Variants in AGFG2 observed in about 807,000 individuals in gnomAD.
AGFG2 encodes arf-GAP domain and FG repeat-containing protein 2.
AGFG2 carries 31 observed loss-of-function variants against 48.0 expected under a neutral mutation model. That is an observed-to-expected ratio of 0.65 (90% CI 0.49 to 0.87). AGFG2 has a LOEUF of 0.87. Ranked by LOEUF, AGFG2 falls within the 40% of genes least tolerant of loss-of-function variation. AGFG2 has a pLI of 0.00. For synonymous variants in AGFG2, 229 were observed against 260.8 expected (o/e 0.88, Z 1.18); for missense variants, 599 against 632.6 (o/e 0.95, Z 0.57).
In AGFG2 at chr7:100,562,328, A is replaced by G. The variant is rs1430686246; in HGVS notation, c.947A>G (p.Asp316Gly). ...GCCAGTCAGCCAAACAGCCTCGCAG[A>G]CGTGGGCAGCTTCCTGGGACCCGGG... is the stretch of plus-strand genomic sequence containing the variant. ...APASQPNSLADVGSFLGPGVP... is the reference protein window; with the variant it reads ...APASQPNSLAGVGSFLGPGVP... Residue 316 changes from aspartate to glycine, a missense_variant, in exon 7 of 12, where the codon GAC becomes GGC. By Grantham distance (94) the Asp-to-Gly change is moderately conservative. Coordinates refer to ENST00000300176, the MANE Select transcript of AGFG2 (RefSeq NM_006076.5). This position sits in a 1 kb window ranked among gnomAD's most constrained non-coding sequence, Gnocchi z 5.4. 2 of 1,613,964 alleles carry G rather than the reference A, an allele frequency of 1.2e-6. No homozygotes were observed. The highest frequency in any genetic ancestry group is 3.3e-5 in the Admixed American group (2 of 59,998).
Position 100,565,934 on chromosome 7 carries a change from T to C in AGFG2, c.*943T>C, listed in dbSNP as rs1057474202. ...CTCCATGTGCCTCCCTGTCCCCAAA[T>C]CTCTGCACCAAAGCTCATTGCAGGC... On this transcript the variant is annotated 3_prime_UTR_variant, in exon 12 of 12. Coordinates refer to ENST00000300176, the MANE Select transcript of AGFG2 (RefSeq NM_006076.5). 1.3e-4 allele frequency: 19 copies of C among 146,290 alleles called. No individual in the cohort carries two copies. The highest frequency in any genetic ancestry group is 7.5e-5 in the Non-Finnish European group (5 of 66,856). The allele number at this position is 146,290 out of a possible 1,614,324, so 9.1% of individuals were successfully genotyped here. A position where few individuals can be genotyped will look rare whatever the true frequency, so the allele number is the denominator to read the frequency against.
At chr7:100,551,027 A>T (rs1213557589) in intron 3 of AGFG2, among the ~76,000 whole-genome samples, 1 of 46,064 alleles carries the variant, frequency 2.2e-5, no homozygotes, top group Non-Finnish European at 3.7e-5. Flanking sequence ...ATGCCTGGCT[A>T]ATTTATATAT....
intron 2 of AGFG2, 131 bp downstream of exon 2, chr7:100,549,046 C>A (rs1800570939): frequency 2.8e-6 from 2 of 704,962 alleles, no homozygotes; most frequent in Non-Finnish European, 2.4e-6. Flanking sequence ...TGTATGATTT[C>A]TTTCCTTAGG....
In AGFG2 at chr7:100,564,451, A is replaced by T; in HGVS notation, c.1386+148A>T. The T allele has an allele frequency of 6.3e-6, 5 of 793,252 alleles. 1 individual carries two copies. The South Asian group carries it at 8.7e-5, about 14-fold the overall frequency. The allele number at this position is 793,252 out of a possible 1,614,324, so 49.1% of individuals were successfully genotyped here. A position where few individuals can be genotyped will look rare whatever the true frequency, so the allele number is the denominator to read the frequency against. On this transcript the variant is annotated intron_variant, in intron 11 of 11. Transcript: ENST00000300176. ...CAAGCCAGGGCTGAGCTTGGGCCTC[A>T]GCTCTTCTGGGCACTGGCATCTCCC...
intron 6 of AGFG2, chr7:100,556,536 A>G: frequency 1.6e-6 from 2 of 1,266,820 alleles, no homozygotes; most frequent in South Asian, 1.3e-5. Flanking sequence ...CCAGTGACAT[A>G]CACTCTTTCT....
At chr7:100,554,373 G>T (rs1165388229) in intron 5 of AGFG2, 115 bp downstream of exon 5, 3 of 1,326,514 alleles carry the variant, frequency 2.3e-6, no homozygotes, top group Non-Finnish European at 3.0e-6. Context: ...AAATGTGAGG[G>T]TCACTCTGAA....
In AGFG2 at chr7:100,539,561, G is replaced by T; in HGVS notation, c.215G>T (p.Gly72Val). 8.4e-7 allele frequency: 1 copy of T among 1,186,062 alleles called. No homozygotes were observed. The highest frequency in any genetic ancestry group is 1.1e-6 in the Non-Finnish European group (1 of 951,320). The allele number at this position is 1,186,062 out of a possible 1,614,324, so 73.5% of individuals were successfully genotyped here. ...VGSFVCTTCS[G>V]LLRGLNPPHR... Reference sequence around the variant, plus strand: ...AGCTTCGTGTGCACCACCTGCTCCGGCCTCCTGTGAGTGACCGGGAGGGAG... The same window carrying T: ...AGCTTCGTGTGCACCACCTGCTCCGTCCTCCTGTGAGTGACCGGGAGGGAG... Residue 72 changes from glycine (G) to valine (V), a missense_variant, in exon 1 of 12, where the codon GGC (glycine) becomes GTC (valine). Coordinates refer to ENST00000300176, the MANE Select transcript of AGFG2 (RefSeq NM_006076.5).
intron 11 of AGFG2, 122 bp downstream of exon 11, chr7:100,564,425 C>T (rs1800962262): frequency 3.8e-6 from 4 of 1,041,182 alleles, no homozygotes; most frequent in Non-Finnish European, 5.7e-6. Flanking sequence ...TCTGCGTTGT[C>T]CAAGCCAGGG....
intron 2 of AGFG2, among the ~76,000 whole-genome samples, chr7:100,550,025 G>T (rs1314935095): frequency 1.3e-5 from 2 of 152,142 alleles, no homozygotes; most frequent in African/African-American, 4.8e-5. Flanking sequence ...ATAGGAAGTG[G>T]TGGCTGGGCG....
intron 1 of AGFG2, among the ~76,000 whole-genome samples, chr7:100,548,092 C>G (rs1021471774): frequency 3.3e-5 from 5 of 152,096 alleles, no homozygotes; most frequent in Non-Finnish European, 5.9e-5. Flanking sequence ...AGGTCTAAAA[C>G]AATGATAAAG....
At chr7:100,540,982 A>G (rs1800411128) in intron 1 of AGFG2, among the ~76,000 whole-genome samples, 1 of 144,086 alleles carries the variant, frequency 6.9e-6, no homozygotes, top group African/African-American at 2.6e-5. Context: ...ACTGCACTTC[A>G]GCCTGGCGAC....
chr7:100,560,290 T>C (rs1800838872), intron 6 of AGFG2, among the ~76,000 whole-genome samples: 1 of 152,042 alleles, frequency 6.6e-6, no homozygotes, highest in Admixed American at 6.6e-5. Context: ...GTGATTCTGG[T>C]GCCTCAGCCT....
chr7:100,550,629 G>A, intron 3 of AGFG2, 118 bp downstream of exon 3: 1 of 699,808 alleles, frequency 1.4e-6, no homozygotes, highest in Non-Finnish European at 2.4e-6. Context: ...GGTCGATTCT[G>A]TTCCACTCAC....
At chr7:100,541,243 T>C (rs552909845) in intron 1 of AGFG2, among the ~76,000 whole-genome samples, 1 of 152,312 alleles carries the variant, frequency 6.6e-6, no homozygotes, top group South Asian at 2.1e-4. Context: ...TTTGGAATTA[T>C]TTACTTCGTT....
At chr7:100,551,565 T>C (rs1051416972) in intron 3 of AGFG2, among the ~76,000 whole-genome samples, 5 of 150,692 alleles carry the variant, frequency 3.3e-5, no homozygotes, top group African/African-American at 1.2e-4. Context: ...CAACCATGGA[T>C]CCAATCAACC....
chr7:100,548,776 T>C (rs775938011), intron 1 of AGFG2, 46 bp from the exon 2 acceptor site: 14 of 1,471,174 alleles, frequency 9.5e-6, no homozygotes, highest in Non-Finnish European at 1.2e-5. Flanking sequence ...CAGCCTGCCA[T>C]GCTAACTGCA....
chr7:100,559,890 C>A (rs1487842156), intron 6 of AGFG2, among the ~76,000 whole-genome samples: 1 of 152,124 alleles, frequency 6.6e-6, no homozygotes, highest in African/African-American at 2.4e-5. Flanking sequence ...CCACCGCCTC[C>A]TTTGTGAGAA....
Position 100,539,357 on chromosome 7 carries a change from C to T in AGFG2, c.11C>T (p.Ala4Val). 2 of 1,267,560 alleles carry T rather than the reference C, an allele frequency of 1.6e-6. No homozygotes were observed. Among genetic ancestry groups the T allele is most frequent in the Non-Finnish European group, 1.0e-6 (1 of 1,002,808 alleles). 78.5% of individuals were successfully genotyped at this position (1,267,560 alleles called of 1,614,324 possible). Residue 4 changes from alanine to valine, a missense_variant, in exon 1 of 12, where the codon GCG (alanine) becomes GTG (valine). Ala to Val is a moderately conservative substitution (Grantham distance 64). Coordinates refer to ENST00000300176, the MANE Select transcript of AGFG2 (RefSeq NM_006076.5). ...AGGGAGTGGGCAGCGATGGTGATGG[C>T]GGCGAAGAAGGGCCCGGGCCCGGGC... MVM[A>V]AKKGPGPGGG... is the part of the protein sequence containing the mutation.
In AGFG2 at chr7:100,562,938, T is replaced by C. The variant is rs754998615; in HGVS notation, c.1163T>C (p.Leu388Ser). The C allele has an allele frequency of 3.1e-6, 5 of 1,613,736 alleles. No homozygotes were observed. The highest frequency in any genetic ancestry group is 1.6e-4 in the Middle Eastern group (1 of 6,084). Reference sequence around the variant, plus strand: ...ACCAACCCGTTCCAGCCCAATGGCTTGGCGCCAGGTAAGCCTCCAGCATGG... The same window carrying C: ...ACCAACCCGTTCCAGCCCAATGGCTCGGCGCCAGGTAAGCCTCCAGCATGG... Reference protein sequence around the residue: ...PSTNPFQPNGLAPGPGFGMSS... With the variant: ...PSTNPFQPNGSAPGPGFGMSS... Residue 388 changes from leucine (L) to serine (S), a missense_variant, in exon 9 of 12, where the codon TTG (leucine) becomes TCG (serine). Physicochemically the swap from Leu to Ser is moderately radical, Grantham distance 145. Coordinates refer to ENST00000300176, the MANE Select transcript of AGFG2 (RefSeq NM_006076.5). This position sits in a 1 kb window ranked among gnomAD's most constrained non-coding sequence, Gnocchi z 5.4.
Sources: allele counts gnomAD v4.1 joint callset (sites outside exome capture counted in the v4.1 genomes callset), GRCh38; gene constraint gnomAD v4.1.1; non-coding constraint Gnocchi (gnomAD v3.1); transcripts MANE v1.5; gene names NCBI Gene and HGNC (gene_info 2026-07-23, HGNC 2026-07-21).